Variants in STIM1 observed in about 807,000 individuals in gnomAD.
STIM1 encodes stromal interaction molecule 1.
A neutral mutation model predicts 74.7 loss-of-function variants in STIM1; 25 were observed. The ratio of observed to expected loss-of-function variants is 0.33; its 90% CI spans 0.24 to 0.47. The LOEUF (loss-of-function observed/expected upper bound fraction) is 0.47. Among genes scored for constraint, STIM1 ranks in the 20% least tolerant of loss-of-function variants. The probability of loss-of-function intolerance (pLI) is 1.00; values close to 1 mark genes in which losing one functional copy is unlikely to be tolerated. For missense variants in STIM1, 728 were observed against 920.8 expected (o/e 0.79, Z 2.71); for synonymous variants, 328 against 348.8 (o/e 0.94, Z 0.66).
At chr11:3,856,571 G>C (rs1030777417) in intron 1 of STIM1, among the ~76,000 whole-genome samples, 162 bp downstream of exon 1, 1 of 152,254 alleles carries the variant, frequency 6.6e-6, no homozygotes, top group Non-Finnish European at 1.5e-5. Context: ...TTTCTGGTCA[G>C]TAGTCATGGC....
intron 2 of STIM1, among the ~76,000 whole-genome samples, chr11:3,995,232 TTTTG>T (rs762208138): frequency 1.8e-3 from 270 of 152,320 alleles, no homozygotes; most frequent in Non-Finnish European, 2.7e-3. Context: ...TTTCTTTGTT[TTTTG>T]TTTGTTTGTT....
chr11:4,079,150 G>A (rs2094451956), intron 7 of STIM1, among the ~76,000 whole-genome samples: 1 of 152,000 alleles, frequency 6.6e-6, no homozygotes. Flanking sequence ...AATTAGCCGG[G>A]CGTGGTGGCG....
At chr11:3,984,422 C>T (rs2093538298) in intron 2 of STIM1, among the ~76,000 whole-genome samples, 1 of 152,158 alleles carries the variant, frequency 6.6e-6, no homozygotes, top group Non-Finnish European at 1.5e-5. Flanking sequence ...TTGGACAGAA[C>T]AGAGATAGCT....
rs190496896 is a variant in STIM1, at chr11:4,044,021, A to G, written c.386-11505A>G. Among the ~76,000 whole-genome samples the G allele has an allele frequency of 1.3e-5, 2 of 152,224 alleles. 1 individual carries two copies. The highest frequency in any genetic ancestry group is 1.3e-4 in the Admixed American group (2 of 15,288). ...ATAGTAGACTCCGCCTCAAAAAAAA[A>G]GAAAAAAAAGATAGGAGTTAAGTCA... On this transcript the variant is annotated intron_variant, in intron 3 of 12. Coordinates refer to ENST00000526596, the MANE Select transcript of STIM1 (RefSeq NM_001382567.1).
chr11:3,887,558 T>C (rs535144104), intron 1 of STIM1, among the ~76,000 whole-genome samples: 61 of 152,186 alleles, frequency 4.0e-4, no homozygotes, highest in Non-Finnish European at 8.4e-4. Context: ...AGACAGGGCC[T>C]GGTTAGAGAA....
chr11:3,941,558 T>G (rs2093004833), intron 1 of STIM1, among the ~76,000 whole-genome samples: 1 of 151,190 alleles, frequency 6.6e-6, no homozygotes, highest in South Asian at 2.1e-4. Flanking sequence ...TTGTAGCAAA[T>G]AGTATTGCCA....
intron 3 of STIM1, among the ~76,000 whole-genome samples, chr11:4,030,274 A>G (rs142473267): frequency 6.6e-6 from 1 of 151,550 alleles, no homozygotes; most frequent in East Asian, 1.9e-4. Flanking sequence ...GGTTGCAGTA[A>G]GCTGAGATCG....
At chr11:4,017,137 T>C (rs535660933) in intron 2 of STIM1, among the ~76,000 whole-genome samples, 3 of 152,284 alleles carry the variant, frequency 2.0e-5, no homozygotes, top group Admixed American at 6.5e-5. Flanking sequence ...AATGCAGAAA[T>C]CACCCGTCTT....
chr11:4,007,724 T>A (rs2093796667), intron 2 of STIM1, among the ~76,000 whole-genome samples: 1 of 152,346 alleles, frequency 6.6e-6, no homozygotes, highest in South Asian at 2.1e-4. Flanking sequence ...TCAAACTCAG[T>A]ACTTTAGTGT....
At chr11:4,057,849 G>A (rs1283131779) in intron 4 of STIM1, among the ~76,000 whole-genome samples, 2 of 146,796 alleles carry the variant, frequency 1.4e-5, no homozygotes, top group African/African-American at 2.5e-5. Context: ...CAGCCTAAGC[G>A]ACAGAGCGAG....
chr11:3,974,043 C>G, intron 2 of STIM1: 1 of 698,340 alleles, frequency 1.4e-6, no homozygotes, highest in Non-Finnish European at 2.6e-6. Flanking sequence ...TCCACCTCCT[C>G]CACAGTGGCA....
At chr11:4,054,068 T>C (rs1423432311) in intron 3 of STIM1, among the ~76,000 whole-genome samples, 1 of 152,246 alleles carries the variant, frequency 6.6e-6, no homozygotes, top group East Asian at 1.9e-4. Context: ...TCTTAATTTA[T>C]TTAATTTTAA....
At chr11:3,873,349 C>T (rs1244821781) in intron 1 of STIM1, among the ~76,000 whole-genome samples, 3 of 146,416 alleles carry the variant, frequency 2.0e-5, no homozygotes, top group African/African-American at 7.6e-5. Context: ...ACCCGGGAGG[C>T]GTAGGTTGCA....
chr11:3,885,402 G>C (rs2091668990), intron 1 of STIM1, among the ~76,000 whole-genome samples: 1 of 151,982 alleles, frequency 6.6e-6, no homozygotes, highest in Admixed American at 6.6e-5. Flanking sequence ...GCCTAGGCTG[G>C]TCTTGAACCC....
chr11:3,914,373 G>A (rs893966922), intron 1 of STIM1, among the ~76,000 whole-genome samples: 2 of 151,726 alleles, frequency 1.3e-5, no homozygotes, highest in Admixed American at 1.3e-4. Flanking sequence ...TTATTCATCT[G>A]TTGATGAATA....
chr11:3,984,516 A>G (rs778759453), intron 2 of STIM1, among the ~76,000 whole-genome samples: 6 of 152,202 alleles, frequency 3.9e-5, no homozygotes, highest in Admixed American at 6.6e-5. Flanking sequence ...CCTTGTAAGT[A>G]CTTATAGGGT....
intron 2 of STIM1, among the ~76,000 whole-genome samples, chr11:3,988,841 A>G (rs556662582): frequency 6.6e-6 from 1 of 152,344 alleles, no homozygotes; most frequent in Admixed American, 6.5e-5. Context: ...TTTAATATGC[A>G]TTGTATTATA....
chr11:3,924,347 C>T (rs2092760902), intron 1 of STIM1, among the ~76,000 whole-genome samples: 1 of 151,784 alleles, frequency 6.6e-6, no homozygotes, highest in African/African-American at 2.4e-5. Flanking sequence ...TACAGGCGCC[C>T]ACCACCACGC....
rs1253894921 is a variant in STIM1, at chr11:4,090,723, T to C, written c.1635-559T>C. ...AGCAGGCTGTAGGTTCTGTGTTAGC[T>C]TGAGTCCCAGGAAATACAGCCAGCT... On this transcript the variant is annotated intron_variant, in intron 12 of 12. Transcript: ENST00000526596. 2.0e-5 allele frequency among the ~76,000 whole-genome samples: 3 copies of C among 152,278 alleles called. No homozygotes were observed. In the East Asian group the frequency reaches 5.8e-4, roughly 29 times the overall value.
Sources: allele counts gnomAD v4.1 joint callset (sites outside exome capture counted in the v4.1 genomes callset), GRCh38; gene constraint gnomAD v4.1.1; transcripts MANE v1.5; gene names NCBI Gene and HGNC (gene_info 2026-07-23, HGNC 2026-07-21).